The following CDH9 variants were observed in gnomAD, a reference collection of about 807,000 sequenced individuals.
The protein encoded by CDH9 is cadherin 9.
In CDH9, 28 loss-of-function variants were observed where a neutral mutation model predicts 70.9. The ratio of observed to expected loss-of-function variants is 0.40; its 90% CI spans 0.29 to 0.54. The LOEUF (loss-of-function observed/expected upper bound fraction) is 0.54, where lower values mean the gene tolerates loss of function less well. Among genes scored for constraint, CDH9 ranks in the 20% least tolerant of loss-of-function variants. The pLI is 0.59. For synonymous variants in CDH9, 409 were observed against 343.1 expected, an observed-to-expected ratio of 1.19 and a Z score of -2.12; for missense variants, 874 against 984.4, an observed-to-expected ratio of 0.89 and a Z score of 1.50.
At chr5:26,889,635 A>G (rs1054835002) in intron 9 of CDH9, among the ~76,000 whole-genome samples, 1 of 151,834 alleles carries the variant, frequency 6.6e-6, no homozygotes, top group Non-Finnish European at 1.5e-5. Flanking sequence ...ATTCCCTACT[A>G]TATTATTGAT....
At chr5:26,944,466 C>T (rs1741713565) in intron 2 of CDH9, among the ~76,000 whole-genome samples, 1 of 152,026 alleles carries the variant, frequency 6.6e-6, no homozygotes, top group South Asian at 2.1e-4. Context: ...GCCTGGAAAA[C>T]ATAGAAGACC....
intron 2 of CDH9, among the ~76,000 whole-genome samples, chr5:26,951,740 G>T (rs898215506): frequency 9.9e-5 from 15 of 152,004 alleles, no homozygotes; most frequent in Non-Finnish European, 1.8e-4. Context: ...TAGTATCTCT[G>T]ATCCAAGTGA....
chr5:26,883,041 T>TTAGAGAGA (rs1221330777), intron 11 of CDH9, among the ~76,000 whole-genome samples: 4 of 58,040 alleles, frequency 6.9e-5, no homozygotes, highest in African/African-American at 2.6e-4. Flanking sequence ...CAGGATCATC[T>TTAGAGAGA]TATATATATA....
intron 2 of CDH9, among the ~76,000 whole-genome samples, chr5:26,937,673 A>G (rs996269292): frequency 2.0e-5 from 3 of 152,124 alleles, no homozygotes; most frequent in African/African-American, 7.2e-5. Flanking sequence ...ACAAAAATAT[A>G]TAGAAGGAAA....
At chr5:26,939,713 CTAAGTA>C (rs1368596185) in intron 2 of CDH9, among the ~76,000 whole-genome samples, 1 of 151,884 alleles carries the variant, frequency 6.6e-6, no homozygotes, top group African/African-American at 2.4e-5. Context: ...ACACATACTT[CTAAGTA>C]TATTTATGAA....
At chr5:26,898,709 A>G (rs1460107295) in intron 7 of CDH9, among the ~76,000 whole-genome samples, 1 of 152,196 alleles carries the variant, frequency 6.6e-6, no homozygotes, top group Non-Finnish European at 1.5e-5. Context: ...ACCTAAAACC[A>G]TAAAAACCCT....
At chr5:26,903,888 G>A in intron 5 of CDH9, 64 bp from the exon 6 acceptor site, 2 of 870,774 alleles carry the variant, frequency 2.3e-6, no homozygotes, top group Non-Finnish European at 3.6e-6. Flanking sequence ...CATTTCCTCT[G>A]CATTTTTAAC....
rs368991759 is a variant in CDH9 at position 26,952,319 on chromosome 5, G to A, written c.228+35787C>T. Among the ~76,000 whole-genome samples, 6 of 147,482 alleles carry A rather than the reference G, an allele frequency of 4.1e-5. 1 individual carries two copies. The South Asian group carries it at 1.3e-3, about 33-fold the overall frequency. On this transcript the variant is annotated intron_variant, in intron 2 of 11. Transcript: ENST00000231021. Reference sequence around the variant, plus strand: ...CAGTATTGAGAGGGAGGTCCCTTAAGAGGTGATTGGGTCGGCCGGGCGTCT... The same window carrying A: ...CAGTATTGAGAGGGAGGTCCCTTAAAAGGTGATTGGGTCGGCCGGGCGTCT...
intron 2 of CDH9, among the ~76,000 whole-genome samples, chr5:26,951,723 T>C (rs1342092299): frequency 6.6e-6 from 1 of 152,154 alleles, no homozygotes; most frequent in Non-Finnish European, 1.5e-5. Flanking sequence ...GTAAGTTTTA[T>C]GTTGGGTAGT....
intron 1 of CDH9, among the ~76,000 whole-genome samples, chr5:27,034,723 T>C (rs977561216): frequency 2.0e-5 from 3 of 151,598 alleles, no homozygotes; most frequent in African/African-American, 2.4e-5. Context: ...TGAAATCTCT[T>C]GGTCAGGCTC....
At chr5:27,001,376 T>A (rs2112105622) in intron 1 of CDH9, among the ~76,000 whole-genome samples, 1 of 152,196 alleles carries the variant, frequency 6.6e-6, no homozygotes, top group Middle Eastern at 3.4e-3. Context: ...ACAATTCTCT[T>A]GCTGCTATAT....
intron 1 of CDH9, among the ~76,000 whole-genome samples, chr5:27,031,827 G>T (rs1743316259): frequency 6.6e-6 from 1 of 151,842 alleles, no homozygotes; most frequent in Non-Finnish European, 1.5e-5. Context: ...TTTGGTCTCT[G>T]TAGGTTTCAA....
At chr5:26,961,397 C>G (rs1288470664) in intron 2 of CDH9, among the ~76,000 whole-genome samples, 1 of 152,076 alleles carries the variant, frequency 6.6e-6, no homozygotes, top group African/African-American at 2.4e-5. Flanking sequence ...GCCAACATCT[C>G]CCCAATCACC....
intron 2 of CDH9, among the ~76,000 whole-genome samples, chr5:26,956,593 G>T (rs1741950573): frequency 6.6e-6 from 1 of 152,052 alleles, no homozygotes; most frequent in Admixed American, 6.6e-5. Flanking sequence ...TCCCTCAAAA[G>T]TCATGTTGAA....
At chr5:26,909,435 AT>A (rs1449846726) in intron 3 of CDH9, among the ~76,000 whole-genome samples, 3 of 151,802 alleles carry the variant, frequency 2.0e-5, no homozygotes, top group Non-Finnish European at 4.4e-5. Flanking sequence ...CATATTAAAG[AT>A]AAAAATATAG....
intron 1 of CDH9, among the ~76,000 whole-genome samples, chr5:26,993,725 A>G (rs1742620064): frequency 1.4e-5 from 2 of 146,768 alleles, no homozygotes; most frequent in East Asian, 3.9e-4. Flanking sequence ...AAAAAAAAGA[A>G]CTATTATTCA....
chr5:26,969,620 C>G (rs916086778), intron 2 of CDH9, among the ~76,000 whole-genome samples: 1 of 151,968 alleles, frequency 6.6e-6, no homozygotes, highest in Non-Finnish European at 1.5e-5. Context: ...TGCCACTGGA[C>G]TCTAAGATTC....
chr5:27,015,208 G>A (rs1334365986), intron 1 of CDH9, among the ~76,000 whole-genome samples: 3 of 151,568 alleles, frequency 2.0e-5, no homozygotes, highest in Admixed American at 6.6e-5. Flanking sequence ...ACAAAATCAC[G>A]GAATTCTACC....
At chr5:26,992,528 A>C (rs1398147856) in intron 1 of CDH9, among the ~76,000 whole-genome samples, 1 of 152,138 alleles carries the variant, frequency 6.6e-6, no homozygotes. Flanking sequence ...TACAGTGAGA[A>C]ATTAATTTCT....
Sources: allele counts gnomAD v4.1 joint callset (sites outside exome capture counted in the v4.1 genomes callset), GRCh38; gene constraint gnomAD v4.1.1; transcripts MANE v1.5; gene names NCBI Gene and HGNC (gene_info 2026-07-23, HGNC 2026-07-21).